The following GLYATL1 variants were observed in gnomAD, a reference collection of about 807,000 sequenced individuals.
GLYATL1 encodes glycine N-acyltransferase-like protein 1.
GLYATL1 carries 15 observed loss-of-function variants against 20.0 expected under a neutral mutation model. That is an observed-to-expected ratio of 0.75 (90% CI 0.50 to 1.15). The LOEUF (loss-of-function observed/expected upper bound fraction) is 1.15. Ranked by LOEUF, GLYATL1 falls within the 50% of genes most tolerant of loss-of-function variation. The pLI is 0.00. For missense variants in GLYATL1, 380 were observed against 368.5 expected (o/e 1.03, Z -0.26); for synonymous variants, 151 against 131.5 (o/e 1.15, Z -1.01).
In GLYATL1 at chr11:58,954,879, A is replaced by G. The variant is rs1475682451; in HGVS notation, c.296A>G (p.Gln99Arg). The G allele has an allele frequency of 1.9e-6, 3 of 1,610,992 alleles. No individual in the cohort carries two copies. The highest frequency in any genetic ancestry group is 2.7e-5 in the African/African-American group (2 of 74,622). The part of the protein sequence containing the change: ...LKNCEIVNWK[Q>R]RLQIQGLQES... ...AATTGTGAGATCGTAAACTGGAAAC[A>G]GAGACTCCAAATCCAAGGTAACGAG... Residue 99 changes from glutamine to arginine, a missense_variant, in exon 5 of 7, where the codon CAG (glutamine) becomes CGG (arginine). Transcript: ENST00000532726.
intron 1 of GLYATL1, among the ~76,000 whole-genome samples, chr11:58,928,018 CTGA>C (rs1421223380): frequency 6.6e-6 from 1 of 152,178 alleles, no homozygotes; most frequent in African/African-American, 2.4e-5. Flanking sequence ...GCCTTTGCAA[CTGA>C]TGTTTTTAAG....
At chr11:58,951,190 A>G (rs1856968711) in intron 4 of GLYATL1, among the ~76,000 whole-genome samples, 1 of 152,196 alleles carries the variant, frequency 6.6e-6, no homozygotes, top group African/African-American at 2.4e-5. Flanking sequence ...GTTACTTTTG[A>G]CATTGCAAAC....
Position 58,956,002 on chromosome 11 carries a change from A to G in GLYATL1, c.884A>G (p.Tyr295Cys). Residue 295 changes from tyrosine (Y) to cysteine (C), a missense_variant, in exon 7 of 7, where the codon TAC (tyrosine) becomes TGC (cysteine). Tyr to Cys is a radical substitution (Grantham distance 194, BLOSUM62 -2). Transcript: ENST00000532726. ...TGTGAGTGGCACCAATGGACTTGCT[A>G]CCCACAGAATCTAGTTCCATTTTAG... ...ASCEWHQWTCYPQNLVPF is the reference protein window; with the variant it reads ...ASCEWHQWTCCPQNLVPF 6.2e-7 allele frequency: 1 copy of G among 1,612,126 alleles called. No individual in the cohort carries two copies. Among genetic ancestry groups the G allele is most frequent in the East Asian group, 2.2e-5 (1 of 44,818 alleles).
chr11:58,927,335 G>C (rs1272189205), upstream of GLYATL1, among the ~76,000 whole-genome samples: 1 of 152,180 alleles, frequency 6.6e-6, no homozygotes, highest in Non-Finnish European at 1.5e-5. Flanking sequence ...ATTATAATTT[G>C]GGATGTCACT....
Position 58,955,733 on chromosome 11 carries a change from G to C in GLYATL1, c.615G>C (p.Leu205=), listed in dbSNP as rs765115473. The C allele has an allele frequency of 3.7e-6, 6 of 1,614,182 alleles. No individual in the cohort carries two copies. Among genetic ancestry groups the C allele is most frequent in the Non-Finnish European group, 5.1e-6 (6 of 1,180,034 alleles). Residue 205 remains leucine, a synonymous_variant, in exon 7 of 7, where the codon CTG becomes CTC. Coordinates refer to ENST00000532726, the MANE Select transcript of GLYATL1 (RefSeq NM_001389712.2). The stretch of plus-strand genomic sequence containing the variant: ...ACATCAAGCGCTGCATAGAAGACCT[G>C]CCAGCAGCCTGTATGCTCGGCCCAG... ...LHYIKRCIED[L]PAACMLGPEG... is the part of the protein sequence containing the mutation.
At chr11:58,940,465 T>C (rs1301128620) in intron 1 of GLYATL1, among the ~76,000 whole-genome samples, 2 of 152,204 alleles carry the variant, frequency 1.3e-5, no homozygotes, top group African/African-American at 4.8e-5. Context: ...TATGTATGTC[T>C]AGATGTGTTA....
At chr11:58,950,320 G>C (rs1177051167) in intron 4 of GLYATL1, among the ~76,000 whole-genome samples, 1 of 151,562 alleles carries the variant, frequency 6.6e-6, no homozygotes, top group Non-Finnish European at 1.5e-5. Context: ...AATAAACAGA[G>C]GGATATTCAC....
chr11:58,917,952 T>C (rs1160496537), intron 1 of GLYATL1, among the ~76,000 whole-genome samples: 2 of 152,236 alleles, frequency 1.3e-5, no homozygotes, highest in Admixed American at 1.3e-4. Context: ...TTTGCTCTTT[T>C]AAATTTTATT....
downstream of GLYATL1, among the ~76,000 whole-genome samples, chr11:58,909,237 G>A (rs1431314826): frequency 6.6e-6 from 1 of 152,132 alleles, no homozygotes; most frequent in Non-Finnish European, 1.5e-5. Context: ...TCAGGGGCTG[G>A]GAAGAGAGGA....
At chr11:58,946,809 A>G in intron 2 of GLYATL1, 1 of 566,318 alleles carries the variant, frequency 1.8e-6, no homozygotes, top group South Asian at 2.1e-5. Flanking sequence ...TTCTTTCCAC[A>G]AGGGAGGAAG....
At chr11:58,923,240 G>A (rs144951339), upstream of GLYATL1, among the ~76,000 whole-genome samples, 484 of 152,316 alleles carry the variant, frequency 3.2e-3, 3 homozygotes, top group African/African-American at 0.01. Flanking sequence ...TGAGATGCAC[G>A]TAGAATTGTA....
exon 2 of GLYATL1, chr11:58,907,322 G>T (rs1299011030): frequency 2.2e-6 from 1 of 456,252 alleles, no homozygotes; most frequent in Non-Finnish European, 4.4e-6. Context: ...ACTTCCAATT[G>T]TCTTTGTCTT....
chr11:58,907,468 C>A lies in GLYATL1; in HGVS notation n.466C>A, dbSNP rs373701966. On this transcript the variant is annotated non_coding_transcript_exon_variant, in exon 2 of 2. Transcript: ENST00000524629. Reference sequence around the variant, plus strand: ...TTGCAAACCATTATTTCATGTATTTCGCTCTTTTTTGTTTGTTTTGTTTTG... The same window carrying A: ...TTGCAAACCATTATTTCATGTATTTAGCTCTTTTTTGTTTGTTTTGTTTTG... The A allele has an allele frequency of 1.9e-5, 6 of 308,384 alleles. No individual in the cohort carries two copies. In the African/African-American group the frequency reaches 2.0e-4, roughly 10 times the overall value. 19.1% of individuals were successfully genotyped at this position (308,384 alleles called of 1,614,324 possible). A position where few individuals can be genotyped will look rare whatever the true frequency, so the allele number is the denominator to read the frequency against.
chr11:58,922,044 C>G (rs916756544), intron 1 of GLYATL1, among the ~76,000 whole-genome samples: 1 of 152,144 alleles, frequency 6.6e-6, no homozygotes, highest in Non-Finnish European at 1.5e-5. Flanking sequence ...ATCTCTTAAC[C>G]CTTGCAGGAT....
chr11:58,942,340 T>A (rs548729333), intron 1 of GLYATL1, among the ~76,000 whole-genome samples: 15 of 152,220 alleles, frequency 9.9e-5, no homozygotes, highest in Non-Finnish European at 2.1e-4. Context: ...GCTTCCAAGC[T>A]GTCCTCTTTA....
At chr11:58,914,902 G>T (rs1855134735) in intron 1 of GLYATL1, among the ~76,000 whole-genome samples, 1 of 152,176 alleles carries the variant, frequency 6.6e-6, no homozygotes, top group East Asian at 1.9e-4. Flanking sequence ...TAGGGATTGA[G>T]AGTAATCTCA....
chr11:58,942,201 T>C (rs1856208371), intron 1 of GLYATL1, among the ~76,000 whole-genome samples: 1 of 152,166 alleles, frequency 6.6e-6, no homozygotes, highest in Non-Finnish European at 1.5e-5. Flanking sequence ...TGAATTTAGG[T>C]CACCTGGATG....
chr11:58,915,583 C>G (rs1247351919), intron 1 of GLYATL1, among the ~76,000 whole-genome samples: 2 of 152,220 alleles, frequency 1.3e-5, no homozygotes. Flanking sequence ...TCAACACAAT[C>G]TGAAGACTCA....
At chr11:58,916,352 G>A (rs1423090196) in intron 1 of GLYATL1, among the ~76,000 whole-genome samples, 1 of 152,124 alleles carries the variant, frequency 6.6e-6, no homozygotes, top group Admixed American at 6.5e-5. Context: ...CTCCTTTAGG[G>A]CTGAAAGTAC....
Sources: allele counts gnomAD v4.1 joint callset (sites outside exome capture counted in the v4.1 genomes callset), GRCh38; gene constraint gnomAD v4.1.1; transcripts MANE v1.5; gene names NCBI Gene and HGNC (gene_info 2026-07-23, HGNC 2026-07-21).